The following CCDC146 variants were observed in gnomAD, a reference collection of about 807,000 sequenced individuals.
CCDC146 encodes coiled-coil domain-containing protein 146.
In CCDC146, 92 loss-of-function variants were observed where a neutral mutation model predicts 119.3. That is an observed-to-expected ratio of 0.77 (90% CI 0.65 to 0.92). The LOEUF (loss-of-function observed/expected upper bound fraction) is 0.92, where lower values mean the gene tolerates loss of function less well. CCDC146 is among the 40% of genes least tolerant of loss of function. The pLI, the probability that CCDC146 is intolerant of heterozygous loss-of-function variation, is 0.00. For synonymous variants in CCDC146, 372 were observed against 371.8 expected, an observed-to-expected ratio of 1.00 and a Z score of -0.01; for missense variants, 1,000 against 1,103.0, an observed-to-expected ratio of 0.91 and a Z score of 1.32.
At chr7:77,183,845 G>T (rs1296372502) in intron 2 of CCDC146, among the ~76,000 whole-genome samples, 1 of 152,152 alleles carries the variant, frequency 6.6e-6, no homozygotes, top group Admixed American at 6.5e-5. Flanking sequence ...TAAACTCTTA[G>T]CTCACTGTTT....
At chr7:77,243,875 T>C (rs1230106132) in intron 4 of CCDC146, among the ~76,000 whole-genome samples, 1 of 152,040 alleles carries the variant, frequency 6.6e-6, no homozygotes, top group Admixed American at 6.6e-5. Flanking sequence ...TTTTTGTTAT[T>C]TTTATTGTTG....
At chr7:77,126,836 C>T (rs928456589) in intron 1 of CCDC146, among the ~76,000 whole-genome samples, 12 of 152,104 alleles carry the variant, frequency 7.9e-5, no homozygotes, top group Non-Finnish European at 1.8e-4. Flanking sequence ...GGAAGAGGCC[C>T]CATGAGTCCC....
At chr7:77,201,546 C>T (rs1435115872) in intron 2 of CCDC146, among the ~76,000 whole-genome samples, 3 of 151,186 alleles carry the variant, frequency 2.0e-5, no homozygotes, top group East Asian at 1.9e-4. Context: ...AAGAGTGAAA[C>T]TCCATCCCCC....
chr7:77,130,127 C>CTA (rs1790759395), intron 1 of CCDC146, among the ~76,000 whole-genome samples: 1 of 152,036 alleles, frequency 6.6e-6, no homozygotes, highest in African/African-American at 2.4e-5. Flanking sequence ...TTGCTAAAAT[C>CTA]TATGATAAGA....
intron 9 of CCDC146, among the ~76,000 whole-genome samples, chr7:77,265,100 G>A (rs1268689559): frequency 6.6e-6 from 1 of 152,184 alleles, no homozygotes; most frequent in Non-Finnish European, 1.5e-5. Flanking sequence ...TTAGCCCGAA[G>A]CACAGCACGT....
At chr7:77,190,387 G>A (rs554003999) in intron 2 of CCDC146, among the ~76,000 whole-genome samples, 213 of 152,306 alleles carry the variant, frequency 1.4e-3, no homozygotes, top group African/African-American at 4.8e-3. Context: ...CCAGCCTTCT[G>A]CTGATATAAG....
At chr7:77,181,981 G>A (rs1382552404) in intron 2 of CCDC146, among the ~76,000 whole-genome samples, 2 of 152,056 alleles carry the variant, frequency 1.3e-5, no homozygotes, top group Admixed American at 6.6e-5. Flanking sequence ...GAAACAAAAA[G>A]GAGATATAAG....
chr7:77,192,134 C>T (rs966287645), intron 2 of CCDC146, among the ~76,000 whole-genome samples: 2 of 151,846 alleles, frequency 1.3e-5, no homozygotes, highest in African/African-American at 4.8e-5. Context: ...ACCATGTTGG[C>T]CAGGCTGGTC....
At chr7:77,180,648 A>T (rs971625503) in intron 2 of CCDC146, among the ~76,000 whole-genome samples, 3 of 152,166 alleles carry the variant, frequency 2.0e-5, no homozygotes, top group African/African-American at 7.2e-5. Flanking sequence ...CAGTGAGCCG[A>T]GATCACTCTA....
At chr7:77,191,678 G>A (rs1409622201) in intron 2 of CCDC146, among the ~76,000 whole-genome samples, 9 of 148,636 alleles carry the variant, frequency 6.1e-5, no homozygotes, top group African/African-American at 1.8e-4. Flanking sequence ...GGAGGCCAAG[G>A]TGGGCGGATC....
At position 77,260,359 on chromosome 7, in the gene CCDC146, T is replaced by C. The variant is rs58105996; in HGVS notation, c.986+123T>C. On this transcript the variant is annotated intron_variant, in intron 8 of 18. Coordinates refer to ENST00000285871, the MANE Select transcript of CCDC146 (RefSeq NM_020879.3). ...TATTTAAAAATAATTTTAAATCAAC[T>C]TTTACCCTTAATATATTATCAAATA... 15 of 668,512 alleles carry C rather than the reference T, an allele frequency of 2.2e-5. No individual in the cohort carries two copies. In the East Asian group the frequency reaches 3.7e-4, roughly 17 times the overall value. The allele number at this position is 668,512 out of a possible 1,614,324, so 41.4% of individuals were successfully genotyped here. A position where few individuals can be genotyped will look rare whatever the true frequency, so the allele number is the denominator to read the frequency against.
intron 2 of CCDC146, among the ~76,000 whole-genome samples, chr7:77,222,851 A>G (rs1173712132): frequency 6.6e-6 from 1 of 152,158 alleles, no homozygotes; most frequent in African/African-American, 2.4e-5. Context: ...AGGATTAAAC[A>G]CTGATTAGTC....
intron 2 of CCDC146, among the ~76,000 whole-genome samples, chr7:77,177,180 C>T (rs144387755): frequency 0.04 from 6,110 of 152,154 alleles, 163 homozygotes; most frequent in Non-Finnish European, 0.062. Context: ...GATTTGCTGA[C>T]GCTACTAAAG....
At chr7:77,215,729 C>A (rs1295176805) in intron 2 of CCDC146, among the ~76,000 whole-genome samples, 5 of 151,938 alleles carry the variant, frequency 3.3e-5, no homozygotes, top group African/African-American at 1.2e-4. Context: ...TTGACTTTAT[C>A]CCACAGTTTA....
chr7:77,232,265 C>G (rs962302858), intron 2 of CCDC146, among the ~76,000 whole-genome samples: 5 of 152,056 alleles, frequency 3.3e-5, no homozygotes, highest in African/African-American at 7.2e-5. Context: ...TTTTGGAGTT[C>G]GAGGAGTTTA....
Position 77,260,073 on chromosome 7 carries a change from A to G in CCDC146, c.823A>G (p.Lys275Glu). ...CAAAACGCTAAATGACTCCCTAAAG[A>G]AAGTTGAAAACAAGGTTAGTGCTAT... ...EVKTLNDSLK[K>E]VENKVSAIVD... is the part of the protein sequence containing the mutation. The change falls in exon 8 of 19, where the codon AAA becomes GAA. Residue 275 changes from lysine (K) to glutamate (E), a missense_variant. Physicochemically the swap from Lys to Glu is moderately conservative, Grantham distance 56. Around this residue, in one of 2 missense-constraint regions of CCDC146, gnomAD observed 985 missense variants for 1,045.3 expected, o/e 0.94. Transcript: ENST00000285871. 6.2e-7 allele frequency: 1 copy of G among 1,613,990 alleles called. No individual in the cohort carries two copies. Among genetic ancestry groups the G allele is most frequent in the Non-Finnish European group, 8.5e-7 (1 of 1,180,016 alleles).
intron 11 of CCDC146, 124 bp downstream of exon 11, chr7:77,274,776 G>A: frequency 1.4e-6 from 1 of 731,374 alleles, no homozygotes; most frequent in Non-Finnish European, 2.2e-6. Context: ...ACTATCGCAA[G>A]GACAAAAAAC....
chr7:77,124,838 G>A (rs569184194), intron 1 of CCDC146, among the ~76,000 whole-genome samples: 438 of 152,228 alleles, frequency 2.9e-3, no homozygotes, highest in African/African-American at 9.8e-3. Context: ...CATAAAATTA[G>A]GGATGCTCAA....
At chr7:77,144,008 G>C (rs1225834653) in intron 1 of CCDC146, among the ~76,000 whole-genome samples, 1 of 151,710 alleles carries the variant, frequency 6.6e-6, no homozygotes, top group Non-Finnish European at 1.5e-5. Flanking sequence ...ACTTTGGGCA[G>C]TATGGCCATT....
Sources: gnomAD v4.1 joint callset for allele counts (sites outside exome capture counted in the v4.1 genomes callset) on GRCh38, gnomAD v4.1.1 for gene constraint, gnomAD v4.1.1 regional missense constraint, MANE v1.5 for transcripts, NCBI Gene and HGNC (gene_info 2026-07-23, HGNC 2026-07-21) for gene names.